The following TAF4B variants were observed in gnomAD, a reference collection of about 807,000 sequenced individuals.
The protein encoded by TAF4B is transcription initiation factor TFIID subunit 4B.
A neutral mutation model predicts 86.4 loss-of-function variants in TAF4B; 38 were observed. The observed-to-expected ratio is 0.44, with a 90% CI of 0.34 to 0.58. The LOEUF (loss-of-function observed/expected upper bound fraction) is 0.58, where lower values mean the gene tolerates loss of function less well. Among genes scored for constraint, TAF4B ranks in the 20% least tolerant of loss-of-function variants. TAF4B has a pLI of 0.02. For missense variants in TAF4B, 988 were observed against 1,027.6 expected, an observed-to-expected ratio of 0.96 and a Z score of 0.53; for synonymous variants, 388 against 391.2, an observed-to-expected ratio of 0.99 and a Z score of 0.10.
At chr18:26,278,914 C>G (rs1356500375) in intron 5 of TAF4B, among the ~76,000 whole-genome samples, 3 of 151,942 alleles carry the variant, frequency 2.0e-5, no homozygotes, top group Non-Finnish European at 4.4e-5. Flanking sequence ...CTTGCAGATC[C>G]ATAGCCAACA....
chr18:26,244,932 C>A (rs2055899524), intron 1 of TAF4B, among the ~76,000 whole-genome samples: 1 of 152,170 alleles, frequency 6.6e-6, no homozygotes, highest in Admixed American at 6.5e-5. Flanking sequence ...GCTGCAGGGT[C>A]AACCAACTTT....
At chr18:26,282,903 T>A (rs2144586690) in intron 6 of TAF4B, among the ~76,000 whole-genome samples, 1 of 152,366 alleles carries the variant, frequency 6.6e-6, no homozygotes, top group South Asian at 2.1e-4. Context: ...GAAACCAGTT[T>A]CTTTGCTCAT....
At chr18:26,341,536 G>A (rs10502473) in intron 13 of TAF4B, among the ~76,000 whole-genome samples, 2 of 151,890 alleles carry the variant, frequency 1.3e-5, no homozygotes, top group Admixed American at 6.6e-5. Flanking sequence ...AAGAGAGAAG[G>A]TGTCTAATTG....
At position 26,286,162 on chromosome 18, in the gene TAF4B, C is replaced by T. The variant is rs956528318; in HGVS notation, c.1253C>T (p.Thr418Ile). The T allele has an allele frequency of 6.8e-6, 11 of 1,614,210 alleles. No homozygotes were observed. Among genetic ancestry groups the T allele is most frequent in the Non-Finnish European group, 9.3e-6 (11 of 1,180,030 alleles). ...GTGACACTTCATTCTGTGGGCCCAA[C>T]TGCTGCAACAGGAGGAACAACAGCT... ...GVVTLHSVGP[T>I]AATGGTTAGT... The change falls in exon 7 of 15, where the codon ACT becomes ATT. Residue 418 changes from threonine (T) to isoleucine (I), a missense_variant. Thr to Ile is a moderately conservative substitution (Grantham distance 89, BLOSUM62 -1). Transcript: ENST00000269142.
chr18:26,332,146 T>A (rs945969699), intron 12 of TAF4B, among the ~76,000 whole-genome samples: 2 of 152,222 alleles, frequency 1.3e-5, no homozygotes, highest in Non-Finnish European at 2.9e-5. Flanking sequence ...AAAGTTGCAA[T>A]TACCATCCTC....
intron 14 of TAF4B, among the ~76,000 whole-genome samples, chr18:26,369,221 T>TA (rs915035925): frequency 1.0e-4 from 15 of 150,286 alleles, no homozygotes; most frequent in Non-Finnish European, 1.3e-4. Context: ...AGAAGGAAAC[T>TA]AAAAAAAAGG....
chr18:26,353,109 G>A (rs184529067), intron 13 of TAF4B, among the ~76,000 whole-genome samples: 67 of 152,098 alleles, frequency 4.4e-4, no homozygotes, highest in Non-Finnish European at 7.4e-5. Flanking sequence ...AACCCACAAA[G>A]ATGTTACAAA....
At chr18:26,315,660 A>G (rs931389947) in intron 10 of TAF4B, among the ~76,000 whole-genome samples, 3 of 152,166 alleles carry the variant, frequency 2.0e-5, no homozygotes, top group Non-Finnish European at 4.4e-5. Context: ...ATGAATATAT[A>G]ATATACTATT....
chr18:26,374,601 C>G (rs942514779), intron 14 of TAF4B, among the ~76,000 whole-genome samples: 2 of 152,088 alleles, frequency 1.3e-5, no homozygotes, highest in East Asian at 1.9e-4. Context: ...AACAAACCAA[C>G]GTTTATGGGA....
chr18:26,341,998 ATTG>A (rs1232882583), intron 13 of TAF4B, among the ~76,000 whole-genome samples: 1 of 152,092 alleles, frequency 6.6e-6, no homozygotes, highest in Non-Finnish European at 1.5e-5. Flanking sequence ...AATTATCAGC[ATTG>A]TTAAGAATTT....
At chr18:26,379,892 T>C (rs2057466539) in intron 14 of TAF4B, among the ~76,000 whole-genome samples, 1 of 152,132 alleles carries the variant, frequency 6.6e-6, no homozygotes, top group Admixed American at 6.5e-5. Context: ...TTTATCCATT[T>C]ATACATAGGT....
At chr18:26,292,431 G>C (rs751552631) in intron 8 of TAF4B, 50 bp downstream of exon 8, 8 of 1,559,420 alleles carry the variant, frequency 5.1e-6, no homozygotes, top group Non-Finnish European at 6.9e-6. Flanking sequence ...GAACATGAAG[G>C]GGTTTTGTAT....
At chr18:26,369,060 C>T (rs1328353797) in intron 14 of TAF4B, among the ~76,000 whole-genome samples, 1 of 151,872 alleles carries the variant, frequency 6.6e-6, no homozygotes, top group African/African-American at 2.4e-5. Flanking sequence ...AATAACTAGC[C>T]TAAGAGAGGA....
At chr18:26,343,849 C>T (rs1030670407) in intron 13 of TAF4B, among the ~76,000 whole-genome samples, 48 of 152,052 alleles carry the variant, frequency 3.2e-4, no homozygotes, top group African/African-American at 1.1e-3. Flanking sequence ...TACCAAGGGA[C>T]GACTGTATTC....
At chr18:26,252,189 T>C (rs1326080945) in intron 1 of TAF4B, among the ~76,000 whole-genome samples, 1 of 152,238 alleles carries the variant, frequency 6.6e-6, no homozygotes, top group East Asian at 1.9e-4. Context: ...AATTAAAGTA[T>C]GAAGACATTT....
chr18:26,316,600 A>G (rs1048967309), intron 10 of TAF4B, among the ~76,000 whole-genome samples: 1 of 152,308 alleles, frequency 6.6e-6, no homozygotes, highest in South Asian at 2.1e-4. Context: ...CATGTTAGCC[A>G]GGCTTGTCTT....
At chr18:26,259,692 A>T (rs1237174664) in intron 1 of TAF4B, among the ~76,000 whole-genome samples, 6 of 152,344 alleles carry the variant, frequency 3.9e-5, no homozygotes, top group African/African-American at 1.4e-4. Flanking sequence ...ATTGATGGAC[A>T]TTTGGGTTGG....
intron 14 of TAF4B, among the ~76,000 whole-genome samples, chr18:26,370,251 G>C (rs1349580067): frequency 1.3e-5 from 2 of 152,158 alleles, no homozygotes; most frequent in Non-Finnish European, 2.9e-5. Flanking sequence ...AGAGATTTCT[G>C]GACACCACAC....
chr18:26,345,577 C>T (rs182053887), intron 13 of TAF4B, among the ~76,000 whole-genome samples: 1 of 152,336 alleles, frequency 6.6e-6, no homozygotes, highest in Admixed American at 6.5e-5. Flanking sequence ...GAGGCATTTG[C>T]ATATGTCACT....
Sources: gnomAD v4.1 joint callset for allele counts (sites outside exome capture counted in the v4.1 genomes callset) on GRCh38, gnomAD v4.1.1 for gene constraint, MANE v1.5 for transcripts, NCBI Gene and HGNC (gene_info 2026-07-23, HGNC 2026-07-21) for gene names.